Variants in ADAP1 observed in about 807,000 individuals in gnomAD.
ADAP1 encodes the protein ArfGAP with dual PH domains 1.
Under a neutral mutation model 54.9 loss-of-function variants are expected in ADAP1, and 31 were observed. The observed-to-expected ratio is 0.56, with a 90% CI of 0.42 to 0.76. The LOEUF (loss-of-function observed/expected upper bound fraction) is 0.76. Among genes scored for constraint, ADAP1 ranks in the 30% least tolerant of loss-of-function variants. The probability of loss-of-function intolerance (pLI) is 0.00; values close to 1 mark genes in which losing one functional copy is unlikely to be tolerated. For missense variants in ADAP1, 535 were observed against 512.4 expected (o/e 1.04, Z -0.42); for synonymous variants, 313 against 202.6 (o/e 1.55, Z -4.63).
intron 2 of ADAP1, among the ~76,000 whole-genome samples, chr7:931,469 C>T (rs560969152): frequency 3.3e-5 from 5 of 152,110 alleles, no homozygotes; most frequent in Admixed American, 6.6e-5. Flanking sequence ...GGAAAGGAGT[C>T]GGACGCCGAA....
intron 3 of ADAP1, among the ~76,000 whole-genome samples, chr7:922,142 G>C (rs1846213063): frequency 6.6e-6 from 1 of 152,216 alleles, no homozygotes; most frequent in African/African-American, 2.4e-5. Flanking sequence ...AGCCCTGGAG[G>C]GGCCGCACTG....
At chr7:904,882 G>A (rs544833368) in intron 5 of ADAP1, among the ~76,000 whole-genome samples, 178 bp downstream of exon 5, 6 of 152,180 alleles carry the variant, frequency 3.9e-5, no homozygotes, top group African/African-American at 9.7e-5. Flanking sequence ...CCTGGGGGAC[G>A]CTGGGTCCGG....
chr7:905,633 A>AGGGAAAG (rs1845187252), intron 4 of ADAP1: 1 of 41,128 alleles, frequency 2.4e-5, no homozygotes, highest in Non-Finnish European at 4.6e-5. Flanking sequence ...GAAAGGAGAA[A>AGGGAAAG]GGGAAAGGAG....
chr7:929,171 A>T (rs1315544167), intron 2 of ADAP1, among the ~76,000 whole-genome samples: 3 of 152,034 alleles, frequency 2.0e-5, no homozygotes, highest in Non-Finnish European at 4.4e-5. Context: ...GCACGCCCGT[A>T]ATCCCAGCTA....
intron 1 of ADAP1, among the ~76,000 whole-genome samples, chr7:937,917 C>A (rs1212912673): frequency 6.6e-6 from 1 of 152,166 alleles, no homozygotes; most frequent in Non-Finnish European, 1.5e-5. Flanking sequence ...GGATCTGGCA[C>A]AGAGCTCAGT....
At chr7:928,497 C>T (rs1180701296) in intron 2 of ADAP1, among the ~76,000 whole-genome samples, 2 of 152,210 alleles carry the variant, frequency 1.3e-5, no homozygotes, top group Non-Finnish European at 2.9e-5. Flanking sequence ...CCGGGCTGGT[C>T]TCAAACTCCT....
chr7:927,629 CA>C (rs898577197), intron 2 of ADAP1: 20 of 376,336 alleles, frequency 5.3e-5, no homozygotes, highest in Non-Finnish European at 9.5e-5. Context: ...AGGCTGGCAC[CA>C]ATTTAAAATT....
At position 898,918 on chromosome 7, in the gene ADAP1, T is replaced by A; in HGVS notation, c.*3A>T. Reference sequence around the variant, plus strand: ...AATGTCCGTGGTCCTCCAGCCGCACTCGCTAAGGTTTATGCTTGAAGTGCG... The same window carrying A: ...AATGTCCGTGGTCCTCCAGCCGCACACGCTAAGGTTTATGCTTGAAGTGCG... On this transcript the variant is annotated 3_prime_UTR_variant, in exon 11 of 11. Transcript: ENST00000265846. 6.2e-7 allele frequency: 1 copy of A among 1,603,452 alleles called. No individual in the cohort carries two copies. Among genetic ancestry groups the A allele is most frequent in the Non-Finnish European group, 8.5e-7 (1 of 1,175,676 alleles).
chr7:902,491 AAAAT>A (rs909778670), intron 6 of ADAP1, among the ~76,000 whole-genome samples: 2 of 66,152 alleles, frequency 3.0e-5, no homozygotes, highest in Non-Finnish European at 5.9e-5. Context: ...GAAAGAAAGA[AAAAT>A]AAATACTCCA....
chr7:900,073 A>AC, intron 8 of ADAP1, 29 bp downstream of exon 8: 1 of 1,612,100 alleles, frequency 6.2e-7, no homozygotes, highest in Non-Finnish European at 8.5e-7. Flanking sequence ...ACCCCAGGCC[A>AC]CCCCAGGCCG....
intron 4 of ADAP1, among the ~76,000 whole-genome samples, chr7:916,971 G>C (rs541805377): frequency 3.2e-4 from 46 of 142,844 alleles, no homozygotes; most frequent in African/African-American, 1.1e-3. Flanking sequence ...CTACCGGGGA[G>C]GTGCACAGGA....
At position 904,185 on chromosome 7, in the gene ADAP1, C is replaced by G. The variant is rs762399070; in HGVS notation, c.589G>C (p.Val197Leu). ...GTGCTGTTGTCCTTCAGGTAGGTGA[C>G]CTGCAGGCCGTGGGGGTGGCCGATC... Reference protein sequence around the residue: ...AKIGHPHGLQVTYLKDNSTRN... With the variant: ...AKIGHPHGLQLTYLKDNSTRN... Residue 197 changes from valine to leucine, a missense_variant, in exon 6 of 11, where the codon GTC (valine) becomes CTC (leucine). Coordinates refer to ENST00000265846, the MANE Select transcript of ADAP1 (RefSeq NM_006869.4). 1.2e-6 allele frequency: 2 copies of G among 1,612,312 alleles called. No homozygotes were observed. The highest frequency in any genetic ancestry group is 1.7e-6 in the Non-Finnish European group (2 of 1,179,710).
chr7:918,710 TTTC>T (rs1846034342), intron 4 of ADAP1, among the ~76,000 whole-genome samples: 2 of 152,194 alleles, frequency 1.3e-5, no homozygotes, highest in South Asian at 4.1e-4. Context: ...CTTGCCTCCG[TTTC>T]CCTGTCGACA....
intron 1 of ADAP1, among the ~76,000 whole-genome samples, chr7:937,174 C>G (rs1241337541): frequency 1.9e-5 from 2 of 106,912 alleles, no homozygotes; most frequent in African/African-American, 7.4e-5. Flanking sequence ...GGGGGTCACG[C>G]CCGACCTCTG....
chr7:900,621 G>GGGCAAAGGAA lies in ADAP1; in HGVS notation c.649-6_649-5insTTCCTTTGCC. 1 of 1,587,220 alleles carries GGGCAAAGGAA rather than the reference G, an allele frequency of 6.3e-7. No individual in the cohort carries two copies. The highest frequency in any genetic ancestry group is 8.5e-7 in the Non-Finnish European group (1 of 1,170,936). ...ATTGAACCAGTCCACAATCTCCTAG[G>GGGCAAAGGAA]GGCAAAGGTGGGCACAGGCTTGGGC... On this transcript the variant is annotated splice_polypyrimidine_tract_variant and splice_region_variant and intron_variant, in intron 6 of 10. Transcript: ENST00000265846.
At chr7:953,520 T>C (rs1847316504) in intron 1 of ADAP1, among the ~76,000 whole-genome samples, 2 of 152,176 alleles carry the variant, frequency 1.3e-5, no homozygotes, top group African/African-American at 2.4e-5. Flanking sequence ...CCGGTGAGTT[T>C]AGGTTTGTTC....
At chr7:935,076 G>T in intron 2 of ADAP1, 1 of 544,504 alleles carries the variant, frequency 1.8e-6, no homozygotes. Flanking sequence ...GGGATTTGAG[G>T]GGAGCACTCC....
chr7:932,664 A>G (rs1846621338), intron 2 of ADAP1, among the ~76,000 whole-genome samples: 1 of 152,084 alleles, frequency 6.6e-6, no homozygotes, highest in Admixed American at 6.5e-5. Flanking sequence ...TGGCGAAGGG[A>G]TGGATGTCAC....
Position 926,333 on chromosome 7 carries a change from C to A in ADAP1, c.305+220G>T, listed in dbSNP as rs1846385790. Among the ~76,000 whole-genome samples, 1 of 152,154 alleles carries A rather than the reference C, an allele frequency of 6.6e-6. No homozygotes were observed. Among genetic ancestry groups the A allele is most frequent in the Non-Finnish European group, 1.5e-5 (1 of 68,010 alleles). On this transcript the variant is annotated intron_variant, in intron 3 of 10. Transcript: ENST00000265846. The surrounding 1 kb of genome is among the most constrained non-coding windows in gnomAD (Gnocchi z 4.6). ...GCTGTAGCTACTGATGCACAATGAC[C>A]TTCCCAGCCCCACCCCAGCGCCCCC...
Sources: gnomAD v4.1 joint callset for allele counts (sites outside exome capture counted in the v4.1 genomes callset) on GRCh38, gnomAD v4.1.1 for gene constraint, Gnocchi (gnomAD v3.1) non-coding constraint, MANE v1.5 for transcripts, NCBI Gene and HGNC (gene_info 2026-07-23, HGNC 2026-07-21) for gene names.